Variants in UNC5D observed in about 807,000 individuals in gnomAD.
UNC5D encodes the protein netrin receptor UNC5D.
Under a neutral mutation model 105.4 loss-of-function variants are expected in UNC5D, and 39 were observed. The ratio of observed to expected loss-of-function variants is 0.37; its 90% confidence interval spans 0.29 to 0.48. The LOEUF is 0.48. Ranked by LOEUF, UNC5D falls within the 20% of genes least tolerant of loss-of-function variation. The pLI is 0.98. For missense variants in UNC5D, 991 were observed against 1,202.4 expected, an observed-to-expected ratio of 0.82 and a Z score of 2.60; for synonymous variants, 452 against 450.4, an observed-to-expected ratio of 1.00 and a Z score of -0.04.
chr8:35,600,457 A>G (rs949550779), intron 4 of UNC5D, among the ~76,000 whole-genome samples: 3 of 152,294 alleles, frequency 2.0e-5, no homozygotes, highest in East Asian at 3.9e-4. Flanking sequence ...CATCCTCTCC[A>G]GCACCTGTTG....
At chr8:35,503,353 G>A (rs1362735920) in intron 1 of UNC5D, among the ~76,000 whole-genome samples, 3 of 152,196 alleles carry the variant, frequency 2.0e-5, no homozygotes, top group Non-Finnish European at 4.4e-5. Flanking sequence ...AGGCAAGAGA[G>A]AATGAGAGCC....
At chr8:35,361,534 C>T (rs1801851636) in intron 1 of UNC5D, among the ~76,000 whole-genome samples, 1 of 152,132 alleles carries the variant, frequency 6.6e-6, no homozygotes, top group Non-Finnish European at 1.5e-5. Context: ...TTAGAAATCC[C>T]TCACTAATGG....
intron 1 of UNC5D, among the ~76,000 whole-genome samples, chr8:35,417,798 G>T (rs1805625020): frequency 6.6e-6 from 1 of 151,956 alleles, no homozygotes; most frequent in Admixed American, 6.6e-5. Context: ...CAGCCACCCT[G>T]GTCATGTTAT....
At chr8:35,266,670 C>A (rs540111687) in intron 1 of UNC5D, among the ~76,000 whole-genome samples, 2 of 152,302 alleles carry the variant, frequency 1.3e-5, no homozygotes, top group East Asian at 1.9e-4. Context: ...GCTCCATGAA[C>A]TCTGGGGCCT....
At chr8:35,369,321 A>G (rs982798492) in intron 1 of UNC5D, among the ~76,000 whole-genome samples, 4 of 152,200 alleles carry the variant, frequency 2.6e-5, no homozygotes, top group Non-Finnish European at 5.9e-5. Flanking sequence ...AATTAATTTT[A>G]TTGACATTAA....
At chr8:35,768,082 T>C (rs1396157457) in intron 15 of UNC5D, among the ~76,000 whole-genome samples, 4 of 151,698 alleles carry the variant, frequency 2.6e-5, no homozygotes, top group South Asian at 2.1e-4. Flanking sequence ...TGAACACATT[T>C]ATATACCTAC....
intron 3 of UNC5D, among the ~76,000 whole-genome samples, chr8:35,577,365 T>C (rs1818162335): frequency 6.6e-6 from 1 of 152,246 alleles, no homozygotes; most frequent in Non-Finnish European, 1.5e-5. Flanking sequence ...GATCTTCCTT[T>C]GTCTTTGATG....
At chr8:35,648,460 C>G (rs1453330371) in intron 4 of UNC5D, among the ~76,000 whole-genome samples, 1 of 152,012 alleles carries the variant, frequency 6.6e-6, no homozygotes, top group Non-Finnish European at 1.5e-5. Context: ...GGGCAGATCA[C>G]CTGAGGTCAG....
intron 1 of UNC5D, among the ~76,000 whole-genome samples, chr8:35,288,781 T>A (rs2128858846): frequency 6.6e-6 from 1 of 152,316 alleles, no homozygotes; most frequent in East Asian, 1.9e-4. Flanking sequence ...CAGCTTAAAG[T>A]AGCCTTTCAT....
intron 11 of UNC5D, among the ~76,000 whole-genome samples, chr8:35,740,417 G>C (rs548982385): frequency 1.3e-5 from 2 of 152,258 alleles, no homozygotes; most frequent in South Asian, 4.1e-4. Context: ...TCTAGAAACT[G>C]GATTCTCCTA....
intron 1 of UNC5D, among the ~76,000 whole-genome samples, chr8:35,507,807 A>G (rs1812436193): frequency 6.6e-6 from 1 of 152,038 alleles, no homozygotes; most frequent in Non-Finnish European, 1.5e-5. Context: ...GGGGATGGAT[A>G]CCCCATTTTC....
intron 1 of UNC5D, among the ~76,000 whole-genome samples, chr8:35,392,468 C>A (rs368352619): frequency 2.3e-4 from 35 of 152,322 alleles, no homozygotes; most frequent in African/African-American, 7.9e-4. Flanking sequence ...AGCCTCCCAC[C>A]TTGCCTTTCA....
chr8:35,610,672 A>C (rs1245672670), intron 4 of UNC5D, among the ~76,000 whole-genome samples: 3 of 152,146 alleles, frequency 2.0e-5, no homozygotes, highest in Non-Finnish European at 2.9e-5. Flanking sequence ...GAGAGAACCG[A>C]GTGCAATCTC....
Position 35,433,000 on chromosome 8 carries a change from G to A in UNC5D, c.104-116292G>A, listed in dbSNP as rs146625500. Among the ~76,000 whole-genome samples the A allele has an allele frequency of 2.7e-3, 405 of 152,236 alleles. 2 individuals are homozygous for A. The highest frequency in any genetic ancestry group is 9.1e-3 in the African/African-American group (377 of 41,546). ...ATTTGGGGAGGTGAGAGACCATGTC[G>A]TAAACATAATTATATCCTTAATAAC... On this transcript the variant is annotated intron_variant, in intron 1 of 16. Coordinates refer to ENST00000404895, the MANE Select transcript of UNC5D (RefSeq NM_080872.4).
intron 14 of UNC5D, among the ~76,000 whole-genome samples, chr8:35,765,155 G>C (rs149889635): frequency 2.9e-3 from 435 of 152,306 alleles, no homozygotes; most frequent in Non-Finnish European, 4.9e-3. Flanking sequence ...CTGATCTTAG[G>C]GGGGCAGTGA....
rs181867163 is a variant in UNC5D at position 35,393,334 on chromosome 8, C to T, written c.104-155958C>T. Among the ~76,000 whole-genome samples, 10 of 151,428 alleles carry T rather than the reference C, an allele frequency of 6.6e-5. No individual in the cohort carries two copies. In the East Asian group the frequency reaches 1.8e-3, roughly 27 times the overall value. On this transcript the variant is annotated intron_variant, in intron 1 of 16. Transcript: ENST00000404895. ...ATTTTTAGTAGAGACGGGGTTTCAC[C>T]GTGTTAGCCAGGATGGTCTCGATCT...
At chr8:35,255,663 G>A (rs958042851) in intron 1 of UNC5D, 4 of 152,116 alleles carry the variant, frequency 2.6e-5, no homozygotes, top group African/African-American at 9.7e-5. Flanking sequence ...AGAAATTGGG[G>A]TGTGTTTAGT....
At chr8:35,332,003 T>G (rs563679142) in intron 1 of UNC5D, among the ~76,000 whole-genome samples, 97 of 152,316 alleles carry the variant, frequency 6.4e-4, no homozygotes, top group Admixed American at 1.2e-3. Flanking sequence ...AGTAAACTCA[T>G]CTTCTAATAT....
chr8:35,617,658 C>T (rs774269354), intron 4 of UNC5D, among the ~76,000 whole-genome samples: 24 of 152,144 alleles, frequency 1.6e-4, no homozygotes, highest in Admixed American at 9.2e-4. Context: ...GTGGCTTCCA[C>T]GGCACAGATT....
Sources: gnomAD v4.1 joint callset for allele counts (sites outside exome capture counted in the v4.1 genomes callset) on GRCh38, gnomAD v4.1.1 for gene constraint, MANE v1.5 for transcripts, NCBI Gene and HGNC (gene_info 2026-07-23, HGNC 2026-07-21) for gene names.